The following HPGDS variants were observed in gnomAD, a reference collection of about 807,000 sequenced individuals.
HPGDS encodes GST class-sigma.
Under a neutral mutation model 23.1 loss-of-function variants are expected in HPGDS, and 26 were observed. That is an observed-to-expected ratio of 1.13 (90% CI 0.83 to 1.56). HPGDS has a LOEUF of 1.56. HPGDS is among the 40% of genes most tolerant of loss of function. The pLI is 0.00. For missense variants in HPGDS, 268 were observed against 236.4 expected, an observed-to-expected ratio of 1.13 and a Z score of -0.88; for synonymous variants, 95 against 77.9, an observed-to-expected ratio of 1.22 and a Z score of -1.16.
At chr4:94,321,601 G>A (rs1317644602) in intron 2 of HPGDS, among the ~76,000 whole-genome samples, 1 of 152,118 alleles carries the variant, frequency 6.6e-6, no homozygotes, top group East Asian at 1.9e-4. Context: ...TGTGATTTTT[G>A]TACATTGATT....
chr4:94,331,515 C>T (rs1210417888), intron 2 of HPGDS, among the ~76,000 whole-genome samples: 2 of 152,104 alleles, frequency 1.3e-5, no homozygotes, highest in African/African-American at 4.8e-5. Context: ...ATGGGAGGGG[C>T]TTGCCAACAG....
intron 5 of HPGDS, among the ~76,000 whole-genome samples, chr4:94,300,767 C>T (rs1370742879): frequency 6.6e-6 from 1 of 151,546 alleles, no homozygotes; most frequent in Non-Finnish European, 1.5e-5. Context: ...ATGACATGGT[C>T]AGAGAGGACT....
At chr4:94,330,668 T>A (rs1220315138) in intron 2 of HPGDS, among the ~76,000 whole-genome samples, 2 of 152,220 alleles carry the variant, frequency 1.3e-5, no homozygotes, top group Admixed American at 6.5e-5. Flanking sequence ...CCTCCTAAAC[T>A]GAGCCTCAAG....
chr4:94,313,869 T>C (rs1023505096), intron 3 of HPGDS, among the ~76,000 whole-genome samples: 62 of 149,924 alleles, frequency 4.1e-4, no homozygotes, highest in Admixed American at 8.7e-4. Flanking sequence ...ACTTCTCTTC[T>C]TGCTTCATTT....
chr4:94,312,467 C>T (rs1472959505), intron 3 of HPGDS, among the ~76,000 whole-genome samples: 2 of 152,258 alleles, frequency 1.3e-5, no homozygotes, highest in African/African-American at 4.8e-5. Context: ...GTTTCTTAAT[C>T]CTGAGTTCTA....
intron 3 of HPGDS, among the ~76,000 whole-genome samples, chr4:94,309,839 G>A (rs1262326492): frequency 6.6e-6 from 1 of 152,062 alleles, no homozygotes; most frequent in Non-Finnish European, 1.5e-5. Flanking sequence ...GTGTGAGATG[G>A]TATCTCATTG....
Position 94,325,778 on chromosome 4 carries a change from C to T in HPGDS, c.134-7813G>A, listed in dbSNP as rs138938256. The stretch of plus-strand genomic sequence containing the variant: ...CCCCACACTGCTTCAGCTTGCCCTC[C>T]GTGGGCTGCACCCACTGACCAACCT... On this transcript the variant is annotated intron_variant, in intron 2 of 5. Transcript: ENST00000295256. 8.6e-3 allele frequency among the ~76,000 whole-genome samples: 1,311 copies of T among 152,254 alleles called. 8 individuals carry two copies. Among genetic ancestry groups the T allele is most frequent in the Middle Eastern group, 0.054 (16 of 294 alleles).
chr4:94,341,809 A>T (rs148963295), intron 1 of HPGDS, among the ~76,000 whole-genome samples: 1 of 152,158 alleles, frequency 6.6e-6, no homozygotes, highest in Non-Finnish European at 1.5e-5. Context: ...GCATGTTTAC[A>T]CTCCTATTAT....
intron 2 of HPGDS, among the ~76,000 whole-genome samples, chr4:94,321,011 A>G (rs1179385714): frequency 6.6e-6 from 1 of 152,198 alleles, no homozygotes; most frequent in African/African-American, 2.4e-5. Flanking sequence ...ACCATTTATT[A>G]AATAGGGAAT....
At chr4:94,304,198 A>G (rs1437667180) in intron 4 of HPGDS, among the ~76,000 whole-genome samples, 1 of 152,006 alleles carries the variant, frequency 6.6e-6, no homozygotes, top group Non-Finnish European at 1.5e-5. Context: ...AGGTTCGTAT[A>G]TTTCTCAAAA....
intron 3 of HPGDS, among the ~76,000 whole-genome samples, chr4:94,312,736 G>A (rs1756302356): frequency 6.6e-6 from 1 of 152,076 alleles, no homozygotes. Flanking sequence ...GTTGACAGTG[G>A]GGTGTTAAAA....
intron 4 of HPGDS, 22 bp from the exon 5 acceptor site, chr4:94,302,266 A>T (rs1756057257): frequency 2.0e-6 from 3 of 1,518,580 alleles, no homozygotes; most frequent in Non-Finnish European, 1.8e-6. Flanking sequence ...AGAAAATATC[A>T]CTTTAAGAAT....
chr4:94,317,828 A>G (rs756082171), intron 3 of HPGDS, 45 bp downstream of exon 3: 3 of 1,069,848 alleles, frequency 2.8e-6, no homozygotes, highest in South Asian at 1.3e-5. Context: ...TATATCATGT[A>G]TTTGTTTCAG....
Position 94,299,444 on chromosome 4 carries a change from C to T in HPGDS, c.*36G>A. The stretch of plus-strand genomic sequence containing the variant: ...TGTCTTATCTGATGAGAGAGATGCC[C>T]CCGAGAAAAACAAACTTGAAGGCAA... On this transcript the variant is annotated 3_prime_UTR_variant, in exon 6 of 6. Transcript: ENST00000295256. The T allele has an allele frequency of 2.6e-6, 4 of 1,566,744 alleles. No individual in the cohort carries two copies. Among genetic ancestry groups the T allele is most frequent in the Non-Finnish European group, 3.5e-6 (4 of 1,152,778 alleles).
intron 2 of HPGDS, among the ~76,000 whole-genome samples, 195 bp from the exon 3 acceptor site, chr4:94,318,160 C>G (rs1001638763): frequency 6.6e-6 from 1 of 151,990 alleles, no homozygotes; most frequent in Admixed American, 6.6e-5. Flanking sequence ...TGTTAGAAAA[C>G]CTGATTTAAA....
chr4:94,340,317 T>TCTTTCTTTC (rs1560598066), intron 1 of HPGDS, among the ~76,000 whole-genome samples: 23 of 16,500 alleles, frequency 1.4e-3, no homozygotes, highest in Non-Finnish European at 2.2e-3. Context: ...TTCTCTTTTT[T>TCTTTCTTTC]TTTTTTTTTT....
intron 2 of HPGDS, among the ~76,000 whole-genome samples, chr4:94,324,835 G>A (rs1756596804): frequency 6.6e-6 from 1 of 152,038 alleles, no homozygotes; most frequent in Admixed American, 6.5e-5. Flanking sequence ...GACAAGAAGG[G>A]GTGTTCTGAT....
intron 3 of HPGDS, among the ~76,000 whole-genome samples, chr4:94,311,682 T>C (rs1195362964): frequency 2.0e-5 from 3 of 151,526 alleles, no homozygotes; most frequent in Non-Finnish European, 4.4e-5. Context: ...TCCCTCTTTT[T>C]CTATTGATTG....
intron 2 of HPGDS, among the ~76,000 whole-genome samples, chr4:94,321,804 A>G (rs912029873): frequency 6.6e-6 from 1 of 152,140 alleles, no homozygotes; most frequent in Non-Finnish European, 1.5e-5. Flanking sequence ...CACTATGTTG[A>G]ATAGGAGTGG....
Sources: gnomAD v4.1 joint callset for allele counts (sites outside exome capture counted in the v4.1 genomes callset) on GRCh38, gnomAD v4.1.1 for gene constraint, MANE v1.5 for transcripts, NCBI Gene and HGNC (gene_info 2026-07-23, HGNC 2026-07-21) for gene names.